PTPRT: variants seen among roughly 807,000 people sequenced by gnomAD.
PTPRT encodes protein tyrosine phosphatase receptor type T.
A neutral mutation model predicts 176.8 loss-of-function variants in PTPRT; 56 were observed. That is an observed-to-expected ratio of 0.32 (90% CI 0.26 to 0.40). PTPRT has a LOEUF of 0.40. Ranked by LOEUF, PTPRT falls within the 10% of genes least tolerant of loss-of-function variation. The pLI is 1.00. For missense variants in PTPRT, 1,540 were observed against 1,908.2 expected (o/e 0.81, Z 3.60); for synonymous variants, 783 against 739.0 (o/e 1.06, Z -0.96).
the PTPRT span, among the ~76,000 whole-genome samples, chr20:42,052,796 T>G: frequency 6.6e-6 from 1 of 152,226 alleles, no homozygotes; most frequent in Non-Finnish European, 1.5e-5. Context: ...AGGCTGGAGC[T>G]CCCTTGCTTT....
chr20:43,078,523 A>C (rs1440519317), intron 1 of PTPRT, among the ~76,000 whole-genome samples: 1 of 152,168 alleles, frequency 6.6e-6, no homozygotes, highest in African/African-American at 2.4e-5. Flanking sequence ...AGGCACATAA[A>C]TTTTGGTTTG....
In PTPRT at chr20:42,941,024, G is replaced by C. The variant is rs549590156; in HGVS notation, c.89-55092C>G. ...TTGAACCTGGGAGACGGGGGTTGCA[G>C]TGAGCCGAGATCATGCCACTGCACT... is the stretch of plus-strand genomic sequence containing the variant. On this transcript the variant is annotated intron_variant, in intron 1 of 30. Transcript: ENST00000373187. Among the ~76,000 whole-genome samples, 5 of 152,062 alleles carry C rather than the reference G, an allele frequency of 3.3e-5. No individual in the cohort carries two copies. The East Asian group carries it at 9.7e-4, about 29-fold the overall frequency.
At chr20:42,066,688 G>A in the PTPRT span, among the ~76,000 whole-genome samples, 2 of 151,914 alleles carry the variant, frequency 1.3e-5, no homozygotes, top group African/African-American at 4.8e-5. Flanking sequence ...GTCAACTTGG[G>A]TTTTCTATTT....
At chr20:42,174,919 C>T (rs1990226852) in intron 16 of PTPRT, among the ~76,000 whole-genome samples, 1 of 152,124 alleles carries the variant, frequency 6.6e-6, no homozygotes, top group Admixed American at 6.5e-5. Context: ...GTTAGAAGCT[C>T]AACACATCAG....
rs1193434568 is a variant in PTPRT, at chr20:42,696,525, G to A, written c.860-18366C>T. On this transcript the variant is annotated intron_variant, in intron 6 of 30. Transcript: ENST00000373187. ...GGCTGGAGTGCAGTGGCATGATCTC[G>A]GCTCACTGCAAGCTCTTCCCCCCGG... 5.3e-5 allele frequency among the ~76,000 whole-genome samples: 8 copies of A among 150,452 alleles called. No homozygotes were observed. The East Asian group carries it at 9.8e-4, about 18-fold the overall frequency.
At position 42,472,530 on chromosome 20, in the gene PTPRT, C is replaced by T. The variant is rs41279256; in HGVS notation, c.1186G>A (p.Val396Ile). The T allele has an allele frequency of 8.0e-4, 1,290 of 1,614,094 alleles. 13 individuals carry two copies. In the African/African-American group the frequency reaches 0.015, roughly 19 times the overall value. ...PVHGPQNVEI[V>I]DIRARQLTLQ... The stretch of plus-strand genomic sequence containing the variant: ...GTCAGCTGCCGGGCTCTGATGTCTA[C>T]GATTTCCACGTTCTGTGGGCCATGT... The change falls in exon 8 of 31, where the codon GTA becomes ATA. Residue 396 changes from valine (V) to isoleucine (I), a missense_variant. Physicochemically the swap from Val to Ile is conservative, Grantham distance 29. This residue lies in a region of PTPRT where 273 missense variants were observed against 432.1 expected (regional missense o/e 0.63). Coordinates refer to ENST00000373187, the MANE Select transcript of PTPRT (RefSeq NM_007050.6).
chr20:42,826,594 T>C (rs1366813993), intron 2 of PTPRT, among the ~76,000 whole-genome samples: 2 of 152,186 alleles, frequency 1.3e-5, no homozygotes, highest in Non-Finnish European at 2.9e-5. Context: ...ATGTAGTATC[T>C]CTTCTTATCA....
At chr20:43,124,217 T>C (rs1471856533) in intron 1 of PTPRT, among the ~76,000 whole-genome samples, 1 of 152,242 alleles carries the variant, frequency 6.6e-6, no homozygotes, top group East Asian at 1.9e-4. Context: ...AAATATTTAT[T>C]GGGCTGACTA....
At chr20:43,006,522 G>T (rs1023439714) in intron 1 of PTPRT, among the ~76,000 whole-genome samples, 12 of 152,066 alleles carry the variant, frequency 7.9e-5, no homozygotes, top group Admixed American at 6.5e-5. Context: ...CTCTTTGCTT[G>T]TGTGTTTCAC....
At chr20:42,381,805 C>A (rs1465192485) in intron 9 of PTPRT, among the ~76,000 whole-genome samples, 1 of 152,172 alleles carries the variant, frequency 6.6e-6, no homozygotes, top group African/African-American at 2.4e-5. Flanking sequence ...TAATGTTCAT[C>A]TTTACTGTGT....
chr20:42,059,031 G>A, the PTPRT span, among the ~76,000 whole-genome samples: 1 of 152,170 alleles, frequency 6.6e-6, no homozygotes, highest in African/African-American at 2.4e-5. Context: ...TCTAGAGGGG[G>A]CCTAGGTATC....
At chr20:42,683,728 A>G (rs2075644853) in intron 6 of PTPRT, among the ~76,000 whole-genome samples, 1 of 152,240 alleles carries the variant, frequency 6.6e-6, no homozygotes, top group Admixed American at 6.5e-5. Context: ...TTTTCATACA[A>G]TAATGGACTG....
chr20:42,608,769 C>A (rs568136816), intron 7 of PTPRT, among the ~76,000 whole-genome samples: 1 of 152,168 alleles, frequency 6.6e-6, no homozygotes, highest in Admixed American at 6.5e-5. Context: ...AGGCTTCTCA[C>A]CGCATACAGA....
At chr20:42,253,728 T>C (rs1312588320) in intron 13 of PTPRT, among the ~76,000 whole-genome samples, 2 of 152,142 alleles carry the variant, frequency 1.3e-5, no homozygotes, top group African/African-American at 2.4e-5. Context: ...AATAATCTTG[T>C]GAACTCAGCT....
intron 11 of PTPRT, among the ~76,000 whole-genome samples, chr20:42,338,122 A>C (rs959880816): frequency 7.0e-4 from 107 of 152,370 alleles, no homozygotes; most frequent in African/African-American, 2.5e-3. Flanking sequence ...AACACCTCAA[A>C]GCAAACTATA....
intron 9 of PTPRT, among the ~76,000 whole-genome samples, chr20:42,387,739 T>C (rs2058757963): frequency 1.3e-5 from 2 of 151,940 alleles, no homozygotes; most frequent in Admixed American, 6.6e-5. Context: ...TCACAACTTG[T>C]GTATGTGTGG....
intron 7 of PTPRT, among the ~76,000 whole-genome samples, chr20:42,673,843 C>T (rs80224461): frequency 0.016 from 2,420 of 152,242 alleles, 60 homozygotes; most frequent in African/African-American, 0.054. Flanking sequence ...TGAGAACCAC[C>T]GCCCAAGATG....
intron 1 of PTPRT, among the ~76,000 whole-genome samples, chr20:43,147,153 C>T (rs990986985): frequency 6.6e-6 from 1 of 152,148 alleles, no homozygotes; most frequent in Non-Finnish European, 1.5e-5. Flanking sequence ...CGAGGGGCAT[C>T]AGCTCTAAGA....
At chr20:42,123,927 GA>G (rs1987716609) in intron 19 of PTPRT, among the ~76,000 whole-genome samples, 1 of 152,138 alleles carries the variant, frequency 6.6e-6, no homozygotes, top group Admixed American at 6.5e-5. Context: ...AGTTGAATGG[GA>G]GCTCCATGAA....
Sources: allele counts gnomAD v4.1 joint callset (sites outside exome capture counted in the v4.1 genomes callset), GRCh38; gene constraint gnomAD v4.1.1; regional missense constraint gnomAD v4.1.1; transcripts MANE v1.5; gene names NCBI Gene and HGNC (gene_info 2026-07-23, HGNC 2026-07-21).